The following PCDHA3 variants were observed in gnomAD, a reference collection of about 807,000 sequenced individuals.
PCDHA3 encodes protocadherin alpha 3, also known as protocadherin alpha-3.
In PCDHA3, 41 loss-of-function variants were observed where a neutral mutation model predicts 62.2. That is an observed-to-expected ratio of 0.66 (90% CI 0.51 to 0.86). The LOEUF is 0.86. PCDHA3 is among the 40% of genes least tolerant of loss of function. PCDHA3 has a pLI of 0.00. For synonymous variants in PCDHA3, 640 were observed against 555.4 expected (o/e 1.15, Z -2.14); for missense variants, 1,304 against 1,241.2 (o/e 1.05, Z -0.76).
At chr5:140,898,782 G>A (rs1170822216) in intron 1 of PCDHA3, among the ~76,000 whole-genome samples, 5 of 152,306 alleles carry the variant, frequency 3.3e-5, no homozygotes, top group Middle Eastern at 3.4e-3. Context: ...ACCTTGGGCA[G>A]TATGGCCATT....
intron 3 of PCDHA3, among the ~76,000 whole-genome samples, chr5:140,992,707 C>T (rs1554253127): frequency 1.3e-5 from 2 of 152,056 alleles, no homozygotes; most frequent in Admixed American, 1.3e-4. Flanking sequence ...AATGTTCCTG[C>T]CAGTATTCGT....
intron 1 of PCDHA3, chr5:140,836,371 C>T: frequency 6.2e-7 from 1 of 1,613,708 alleles, no homozygotes. Context: ...ACAGCCACAG[C>T]CACCGTGCTG....
chr5:140,835,261 T>A (rs2150232896), intron 1 of PCDHA3: 1 of 1,608,418 alleles, frequency 6.2e-7, no homozygotes, highest in Admixed American at 1.7e-5. Flanking sequence ...AAATCCAAGT[T>A]CCACATGGAC....
intron 1 of PCDHA3, chr5:140,805,632 T>C: frequency 1.1e-6 from 1 of 893,872 alleles, no homozygotes; most frequent in Non-Finnish European, 1.3e-6. Flanking sequence ...TGTATTGTGG[T>C]TTATTTATTG....
intron 1 of PCDHA3, among the ~76,000 whole-genome samples, chr5:140,943,498 A>T (rs2093507311): frequency 6.6e-6 from 1 of 152,164 alleles, no homozygotes; most frequent in Admixed American, 6.6e-5. Flanking sequence ...GATGCTATCA[A>T]GGTTCATGGA....
intron 1 of PCDHA3, chr5:140,882,828 A>T: frequency 6.2e-7 from 1 of 1,614,226 alleles, no homozygotes; most frequent in Non-Finnish European, 8.5e-7. Context: ...AACAGTCTTG[A>T]GCAAATGTCT....
At chr5:140,948,861 A>G (rs1298940496) in intron 1 of PCDHA3, among the ~76,000 whole-genome samples, 1 of 151,528 alleles carries the variant, frequency 6.6e-6, no homozygotes, top group African/African-American at 2.4e-5. Flanking sequence ...TTCTTATATT[A>G]CTTCGGGTTT....
At chr5:140,882,621 A>T (rs374336585) in intron 1 of PCDHA3, 1 of 1,614,094 alleles carries the variant, frequency 6.2e-7, no homozygotes, top group African/African-American at 1.3e-5. Context: ...CAGGTTTTCC[A>T]TGTGGAGGTG....
intron 1 of PCDHA3, among the ~76,000 whole-genome samples, chr5:140,839,019 G>T (rs1394721397): frequency 3.9e-5 from 6 of 151,970 alleles, no homozygotes; most frequent in Non-Finnish European, 8.8e-5. Context: ...AATTATTTTA[G>T]GATATGTTAC....
At chr5:140,843,680 G>A (rs2150364967) in intron 1 of PCDHA3, 1 of 1,588,882 alleles carries the variant, frequency 6.3e-7, no homozygotes, top group Non-Finnish European at 8.6e-7. Context: ...TGATGTAGGC[G>A]AAGAGCAAGA....
intron 1 of PCDHA3, chr5:140,870,719 C>A (rs782257127): frequency 1.9e-6 from 3 of 1,613,084 alleles, no homozygotes; most frequent in Admixed American, 3.3e-5. Flanking sequence ...GCGCGCGATG[C>A]GGGCGTGCCG....
intron 1 of PCDHA3, chr5:140,865,236 G>A (rs192476838): frequency 8.5e-5 from 13 of 152,224 alleles, no homozygotes; most frequent in Admixed American, 3.3e-4. Flanking sequence ...CAGAGAACAC[G>A]TATTTATAGC....
intron 1 of PCDHA3, chr5:140,969,343 G>C: frequency 1.2e-6 from 2 of 1,613,728 alleles, no homozygotes; most frequent in Non-Finnish European, 1.7e-6. Flanking sequence ...TGAGACAGTG[G>C]TCAGGGGGTC....
Position 140,858,084 on chromosome 5 carries a change from C to T in PCDHA3, c.2394+54493C>T, listed in dbSNP as rs781886260. 2 of 1,597,664 alleles carry T rather than the reference C, an allele frequency of 1.3e-6. No homozygotes were observed. Among genetic ancestry groups the T allele is most frequent in the Admixed American group, 1.7e-5 (1 of 59,290 alleles). ...GGCAGCCAGGCACCCAAGGCCTCGT[C>T]GCGGGCTTCAGTGGGCGTGGCGCCC... is the stretch of plus-strand genomic sequence containing the variant. On this transcript the variant is annotated intron_variant, in intron 1 of 3. Transcript: ENST00000522353.
rs1029317869 is a variant in PCDHA3 at position 140,928,735 on chromosome 5, A to G, written c.2395-50214A>G. ...TAGTCTCTTTAGAATTTCAGCCAAT[A>G]TAGGTGAGCTCCGTACTGCTCGCTT... On this transcript the variant is annotated intron_variant, in intron 1 of 3. Coordinates refer to ENST00000522353, the MANE Select transcript of PCDHA3 (RefSeq NM_018906.3). 35 of 1,614,082 alleles carry G rather than the reference A, an allele frequency of 2.2e-5. No individual in the cohort carries two copies. The highest frequency in any genetic ancestry group is 2.9e-5 in the Non-Finnish European group (34 of 1,180,020).
chr5:140,836,217 C>T, intron 1 of PCDHA3: 1 of 1,613,820 alleles, frequency 6.2e-7, no homozygotes, highest in Non-Finnish European at 8.5e-7. Flanking sequence ...GTATGAGTTG[C>T]AACCGGTGGC....
intron 1 of PCDHA3, chr5:140,866,443 C>T (rs974368547): frequency 2.0e-5 from 3 of 151,700 alleles, no homozygotes; most frequent in Non-Finnish European, 2.9e-5. Flanking sequence ...CTTCTTCAGT[C>T]TTATTGTTGG....
At chr5:140,875,508 G>A (rs1007736035) in intron 1 of PCDHA3, 19 of 1,613,588 alleles carry the variant, frequency 1.2e-5, no homozygotes, top group Non-Finnish European at 1.6e-5. Flanking sequence ...CGGGATCCCA[G>A]CGTCTGCTGC....
intron 1 of PCDHA3, chr5:140,824,158 C>G: frequency 6.2e-7 from 1 of 1,611,212 alleles, no homozygotes; most frequent in Non-Finnish European, 8.5e-7. Context: ...ATCCATCTTT[C>G]CCTCCCAATT....
Sources: gnomAD v4.1 joint callset for allele counts (sites outside exome capture counted in the v4.1 genomes callset) on GRCh38, gnomAD v4.1.1 for gene constraint, MANE v1.5 for transcripts, NCBI Gene and HGNC (gene_info 2026-07-23, HGNC 2026-07-21) for gene names.